The following GCKR variants were observed in gnomAD, a reference collection of about 807,000 sequenced individuals.
GCKR encodes the protein glucokinase regulator, also known as glucokinase regulatory protein.
Under a neutral mutation model 82.9 loss-of-function variants are expected in GCKR, and 73 were observed. That is an observed-to-expected ratio of 0.88 (90% CI 0.73 to 1.07). The LOEUF (loss-of-function observed/expected upper bound fraction) is 1.07, where lower values mean the gene tolerates loss of function less well. Among genes scored for constraint, GCKR ranks in the 50% least tolerant of loss-of-function variants. The pLI is 0.00. For synonymous variants in GCKR, 294 were observed against 291.8 expected (o/e 1.01, Z -0.08); for missense variants, 784 against 782.1 (o/e 1.00, Z -0.03).
At position 27,501,296 on chromosome 2, in the gene GCKR, T is replaced by C. The variant is rs187074502; in HGVS notation, c.644+67T>C. 2.2e-4 allele frequency: 212 copies of C among 977,796 alleles called. No homozygotes were observed. The African/African-American group carries it at 3.1e-3, about 14-fold the overall frequency. The allele number at this position is 977,796 out of a possible 1,614,324, so 60.6% of individuals were successfully genotyped here. On this transcript the variant is annotated intron_variant, in intron 8 of 18. Coordinates refer to ENST00000264717, the MANE Select transcript of GCKR (RefSeq NM_001486.4). ...GAGGGGAACATGTCAAAGTCTACAG[T>C]ACAACCACAAGGGAGAGAACAGATA...
chr2:27,505,878 G>C (rs754162048), intron 10 of GCKR, 42 bp downstream of exon 10: 1 of 1,026,854 alleles, frequency 9.7e-7, no homozygotes, highest in Non-Finnish European at 1.6e-6. Flanking sequence ...AGTCAGGCGA[G>C]TGTGAGATGG....
Position 27,498,780 on chromosome 2 carries a change from C to T in GCKR, c.411C>T (p.Leu137=), listed in dbSNP as rs1359257810. The part of the protein sequence containing the change: ...GLGQKPLYTY[L]IAGGDRSVVA... ...GACAGAAACCTCTTTACACCTACCT[C>T]ATTGCAGGTGGTGACAGGTAAGCCA... The change falls in exon 5 of 19, where the codon CTC becomes CTT. Residue 137 remains leucine, a synonymous_variant. Transcript: ENST00000264717. The T allele has an allele frequency of 3.8e-6, 6 of 1,598,974 alleles. No individual in the cohort carries two copies. Among genetic ancestry groups the T allele is most frequent in the African/African-American group, 2.7e-5 (2 of 74,570 alleles).
At position 27,507,680 on chromosome 2, in the gene GCKR, G is replaced by A. The variant is rs373986830; in HGVS notation, c.1144-1G>A. 1.3e-6 allele frequency: 2 copies of A among 1,568,452 alleles called. No homozygotes were observed. The highest frequency in any genetic ancestry group is 2.7e-5 in the African/African-American group (2 of 73,954). ...GACCCTCCCATCTTCTTCTGCCCCA[G>A]GGTCCCCAGTTCACCTTCTCCCAGG... On this transcript the variant is annotated splice_acceptor_variant, in intron 13 of 18. Transcript: ENST00000264717. LOFTEE classifies it high-confidence loss of function.
At chr2:27,501,451 G>A (rs1003766715) in intron 8 of GCKR, among the ~76,000 whole-genome samples, 3 of 152,192 alleles carry the variant, frequency 2.0e-5, no homozygotes, top group African/African-American at 7.2e-5. Context: ...AGCTTATAAA[G>A]GATGCATAAA....
rs776913966 is a variant in GCKR, at chr2:27,523,590, C to A, written c.*151C>A. ...AGGGTAGGGAGAAATATTCTCTCCA[C>A]TTTGGGGGAGAGTTCTTGCTCTCGA... On this transcript the variant is annotated 3_prime_UTR_variant, in exon 19 of 19. Transcript: ENST00000264717. The A allele has an allele frequency of 3.7e-5, 27 of 733,006 alleles. No homozygotes were observed. The highest frequency in any genetic ancestry group is 3.7e-4 in the Middle Eastern group (1 of 2,694). 45.4% of individuals were successfully genotyped at this position (733,006 alleles called of 1,614,324 possible). A position where few individuals can be genotyped will look rare whatever the true frequency, so the allele number is the denominator to read the frequency against.
Position 27,498,294 on chromosome 2 carries a change from A to G in GCKR, c.325A>G (p.Thr109Ala). Reference protein sequence around the residue: ...GGLVVLSGGGTSGRMAFLMSV... With the variant: ...GGLVVLSGGGASGRMAFLMSV... ...GCTGGTTGTGCTGAGTGGAGGGGGC[A>G]CCTCTGGCCGGATGGCATTCCTCAT... The change falls in exon 4 of 19, where the codon ACC (threonine) becomes GCC (alanine). Residue 109 changes from threonine to alanine, a missense_variant. Thr to Ala is a moderately conservative substitution (Grantham distance 58). Coordinates refer to ENST00000264717, the MANE Select transcript of GCKR (RefSeq NM_001486.4). 6.2e-7 allele frequency: 1 copy of G among 1,613,560 alleles called. No homozygotes were observed.
intron 3 of GCKR, 98 bp from the exon 4 acceptor site, chr2:27,498,157 A>C: frequency 2.2e-6 from 2 of 904,882 alleles, no homozygotes; most frequent in Non-Finnish European, 3.7e-6. Context: ...AGGGATAAGG[A>C]GTCTTTCCAA....
intron 17 of GCKR, among the ~76,000 whole-genome samples, chr2:27,521,498 T>C (rs78470165): frequency 4.1e-5 from 1 of 24,278 alleles, no homozygotes; most frequent in Admixed American, 3.8e-4. Context: ...ACCCAGCTAA[T>C]TTTTTTTTTT....
chr2:27,500,802 T>C (rs180848284), intron 7 of GCKR, among the ~76,000 whole-genome samples: 1 of 152,306 alleles, frequency 6.6e-6, no homozygotes, highest in East Asian at 1.9e-4. Flanking sequence ...AAGAATTCAC[T>C]TCGCAGAAAC....
chr2:27,523,319 G>A lies in GCKR; in HGVS notation c.1758G>A (p.Glu586=), dbSNP rs143985256. 158 of 1,612,934 alleles carry A rather than the reference G, an allele frequency of 9.8e-5. No homozygotes were observed. Among genetic ancestry groups the A allele is most frequent in the Non-Finnish European group, 1.3e-4 (156 of 1,179,940 alleles). The change falls in exon 19 of 19, where the codon GAG becomes GAA. Residue 586 remains glutamate (E), a synonymous_variant. Coordinates refer to ENST00000264717, the MANE Select transcript of GCKR (RefSeq NM_001486.4). ...LSLLFRCSIT[E]AQAHLAAAPS... is the part of the protein sequence containing the mutation. ...TCCTATTCCGGTGCTCGATCACTGA[G>A]GCTCAGGCACACCTGGCTGCAGCTC... is the stretch of plus-strand genomic sequence containing the variant.
In GCKR at chr2:27,499,397, G is replaced by A. The variant is rs763737817; in HGVS notation, c.496G>A (p.Val166Met). Residue 166 changes from valine to methionine, a missense_variant and splice_region_variant, in exon 7 of 19, where the codon GTG (valine) becomes ATG (methionine). Physicochemically the swap from Val to Met is conservative, Grantham distance 21 (BLOSUM62 1). Coordinates refer to ENST00000264717, the MANE Select transcript of GCKR (RefSeq NM_001486.4). Reference sequence around the variant, plus strand: ...TACCTTGTCCATCCTCCTCTCCTAGGTGGCTGCCGGGAAGAAGAGAGTGAT... The same window carrying A: ...TACCTTGTCCATCCTCCTCTCCTAGATGGCTGCCGGGAAGAAGAGAGTGAT... ...ALHGIEELKK[V>M]AAGKKRVIVI... 1.2e-6 allele frequency: 2 copies of A among 1,610,602 alleles called. No homozygotes were observed. The highest frequency in any genetic ancestry group is 1.1e-5 in the South Asian group (1 of 91,026).
intron 16 of GCKR, among the ~76,000 whole-genome samples, chr2:27,518,238 A>G (rs780095): frequency 0.59 from 90,331 of 152,032 alleles, 27,351 homozygotes; most frequent in African/African-American, 0.7. Flanking sequence ...TAGAGACAGC[A>G]TTTCATCATG....
Position 27,505,820 on chromosome 2 carries a change from A to G in GCKR, c.853A>G (p.Ile285Val). The change falls in exon 10 of 19, where the codon ATT (isoleucine) becomes GTT (valine). Residue 285 changes from isoleucine (I) to valine (V), a missense_variant. By Grantham distance (29) the Ile-to-Val change is conservative (BLOSUM62 3). Coordinates refer to ENST00000264717, the MANE Select transcript of GCKR (RefSeq NM_001486.4). The part of the protein sequence containing the change: ...LAAHKTVDQG[I>V]AASQRCLLEI... ...AGCCCATAAGACTGTGGACCAGGGC[A>G]TTGCAGCATCTCAAAGGTAGGGAGG... 2 of 1,565,204 alleles carry G rather than the reference A, an allele frequency of 1.3e-6. No homozygotes were observed. Among genetic ancestry groups the G allele is most frequent in the Non-Finnish European group, 8.8e-7 (1 of 1,135,324 alleles).
In GCKR at chr2:27,523,602, G is replaced by A; in HGVS notation, c.*163G>A. ...AATATTCTCTCCACTTTGGGGGAGA[G>A]TTCTTGCTCTCGACCTAGTGGTTTC... On this transcript the variant is annotated 3_prime_UTR_variant, in exon 19 of 19. Coordinates refer to ENST00000264717, the MANE Select transcript of GCKR (RefSeq NM_001486.4). 2.9e-6 allele frequency: 2 copies of A among 687,512 alleles called. No homozygotes were observed. Among genetic ancestry groups the A allele is most frequent in the Non-Finnish European group, 5.1e-6 (2 of 392,134 alleles). The allele number at this position is 687,512 out of a possible 1,614,324, so 42.6% of individuals were successfully genotyped here. A position where few individuals can be genotyped will look rare whatever the true frequency, so the allele number is the denominator to read the frequency against.
Position 27,518,897 on chromosome 2 carries a change from G to C in GCKR, c.1532G>C (p.Ser511Thr), listed in dbSNP as rs1670079967. Residue 511 changes from serine to threonine, a missense_variant, in exon 17 of 19, where the codon AGC becomes ACC. Coordinates refer to ENST00000264717, the MANE Select transcript of GCKR (RefSeq NM_001486.4). Reference sequence around the variant, plus strand: ...AACCACATGTTGGACCTTCGGATTAGCAACTCCAAGCTCTTCTGGCGGGCG... The same window carrying C: ...AACCACATGTTGGACCTTCGGATTACCAACTCCAAGCTCTTCTGGCGGGCG... The part of the protein sequence containing the change: ...LQNHMLDLRI[S>T]NSKLFWRALA... 1.3e-6 allele frequency: 2 copies of C among 1,554,980 alleles called. No individual in the cohort carries two copies. The highest frequency in any genetic ancestry group is 1.7e-6 in the Non-Finnish European group (2 of 1,145,672).
At chr2:27,505,861 A>T in intron 10 of GCKR, 25 bp downstream of exon 10, 1 of 1,228,630 alleles carries the variant, frequency 8.1e-7, no homozygotes, top group Middle Eastern at 1.9e-4. Context: ...GATAAGAGAG[A>T]GCTCAGAGTC....
At chr2:27,502,919 TG>T (rs1194594898) in intron 8 of GCKR, among the ~76,000 whole-genome samples, 1 of 152,234 alleles carries the variant, frequency 6.6e-6, no homozygotes, top group East Asian at 1.9e-4. Context: ...TTCCGTGATT[TG>T]TAACTAAGCA....
At chr2:27,504,452 A>C (rs1344307188) in intron 9 of GCKR, among the ~76,000 whole-genome samples, 1 of 150,250 alleles carries the variant, frequency 6.7e-6, no homozygotes, top group African/African-American at 2.5e-5. Context: ...CTGCTCCCCT[A>C]GTTCAAGCGA....
intron 17 of GCKR, among the ~76,000 whole-genome samples, chr2:27,520,411 A>T (rs1458751794): frequency 6.6e-5 from 10 of 152,186 alleles, no homozygotes; most frequent in Admixed American, 3.3e-4. Flanking sequence ...ACTGGGCATG[A>T]TATGTGAGGG....
Sources: gnomAD v4.1 joint callset for allele counts (sites outside exome capture counted in the v4.1 genomes callset) on GRCh38, gnomAD v4.1.1 for gene constraint, MANE v1.5 for transcripts, NCBI Gene and HGNC (gene_info 2026-07-23, HGNC 2026-07-21) for gene names.